The following SEL1L3 variants were observed in gnomAD, a reference collection of about 807,000 sequenced individuals.
SEL1L3 encodes protein sel-1 homolog 3.
In SEL1L3, 76 loss-of-function variants were observed where a neutral mutation model predicts 142.8. The ratio of observed to expected loss-of-function variants is 0.53; its 90% CI spans 0.44 to 0.64. SEL1L3 has a LOEUF of 0.64. SEL1L3 is among the 30% of genes least tolerant of loss of function. SEL1L3 has a pLI of 0.00. For synonymous variants in SEL1L3, 504 were observed against 519.6 expected (o/e 0.97, Z 0.41); for missense variants, 1,262 against 1,381.7 (o/e 0.91, Z 1.37).
Position 25,862,765 on chromosome 4 carries a change from G to T in SEL1L3, c.72C>A (p.Gly24=), listed in dbSNP as rs1300698132. The T allele has an allele frequency of 6.6e-6, 8 of 1,206,318 alleles. No homozygotes were observed. The highest frequency in any genetic ancestry group is 1.6e-5 in the African/African-American group (1 of 62,956). 74.7% of individuals were successfully genotyped at this position (1,206,318 alleles called of 1,614,324 possible). ...TCGGGACCATGGCTGCGGCCCGGGG[G>T]CCGACCGCGAGCGGCGGGGGTTGCT... ...QQQQPPPLAV[G]PRAAAMVPSG... is the part of the protein sequence containing the mutation. The change falls in exon 1 of 24, where the codon GGC becomes GGA. Residue 24 remains glycine, a synonymous_variant. Coordinates refer to ENST00000399878, the MANE Select transcript of SEL1L3 (RefSeq NM_015187.5).
In SEL1L3 at chr4:25,813,585, G is replaced by T. The variant is rs781575397; in HGVS notation, c.1564+4553C>A. ...TGGGGGCAATGGGGAGACGTTTACT[G>T]AGTATGGATTTTCAGTTTTGCAAGA... On this transcript the variant is annotated intron_variant, in intron 9 of 23. Coordinates refer to ENST00000399878, the MANE Select transcript of SEL1L3 (RefSeq NM_015187.5). Among the ~76,000 whole-genome samples, 41 of 152,210 alleles carry T rather than the reference G, an allele frequency of 2.7e-4. 1 individual carries two copies. Among genetic ancestry groups the T allele is most frequent in the Non-Finnish European group, 5.3e-4 (36 of 68,040 alleles).
At chr4:25,781,563 T>G (rs779459872) in intron 15 of SEL1L3, among the ~76,000 whole-genome samples, 3 of 152,276 alleles carry the variant, frequency 2.0e-5, no homozygotes, top group Non-Finnish European at 4.4e-5. Context: ...GTTTTTATTT[T>G]TAACGATTTT....
chr4:25,849,540 A>G (rs58551897), intron 1 of SEL1L3, among the ~76,000 whole-genome samples: 39,668 of 152,050 alleles, frequency 0.26, 5,365 homozygotes, highest in South Asian at 0.28. Context: ...GAGGGGATTG[A>G]GGAGTTAGGA....
intron 1 of SEL1L3, among the ~76,000 whole-genome samples, chr4:25,853,279 T>C (rs1472128974): frequency 6.6e-6 from 1 of 152,166 alleles, no homozygotes; most frequent in Non-Finnish European, 1.5e-5. Flanking sequence ...CATATACACA[T>C]TTCACCGTGT....
intron 7 of SEL1L3, among the ~76,000 whole-genome samples, chr4:25,820,160 A>T (rs1300251735): frequency 6.6e-6 from 1 of 152,190 alleles, no homozygotes; most frequent in Non-Finnish European, 1.5e-5. Flanking sequence ...CTTTGTGTCC[A>T]GCTTCTTAAA....
intron 9 of SEL1L3, among the ~76,000 whole-genome samples, chr4:25,805,338 C>A (rs932054262): frequency 6.6e-6 from 1 of 152,068 alleles, no homozygotes; most frequent in Non-Finnish European, 1.5e-5. Flanking sequence ...TTTATAAGGT[C>A]GGTACTATTT....
At chr4:25,850,730 A>AGT (rs1478158074) in intron 1 of SEL1L3, among the ~76,000 whole-genome samples, 13 of 152,252 alleles carry the variant, frequency 8.5e-5, no homozygotes, top group African/African-American at 2.4e-4. Flanking sequence ...CCACTCATGG[A>AGT]GTACCATACA....
the SEL1L3 span, chr4:25,718,411 C>T: frequency 3.9e-5 from 6 of 152,076 alleles, no homozygotes; most frequent in Admixed American, 1.3e-4. Context: ...TTGAAGCCCT[C>T]GGGTAAGTAA....
At chr4:25,741,666 G>A in the SEL1L3 span, among the ~76,000 whole-genome samples, 1 of 152,108 alleles carries the variant, frequency 6.6e-6, no homozygotes, top group Admixed American at 6.6e-5. Flanking sequence ...ACACCTAAAT[G>A]CACCAACTTT....
At chr4:25,833,931 T>A (rs1028628208) in intron 3 of SEL1L3, among the ~76,000 whole-genome samples, 1 of 152,232 alleles carries the variant, frequency 6.6e-6, no homozygotes, top group East Asian at 1.9e-4. Context: ...AGAGGTGATA[T>A]GATAAGAAGC....
At chr4:25,812,840 C>T (rs1001718230) in intron 9 of SEL1L3, among the ~76,000 whole-genome samples, 1 of 152,002 alleles carries the variant, frequency 6.6e-6, no homozygotes, top group Non-Finnish European at 1.5e-5. Context: ...TGGCAAAACC[C>T]CATCTCTACT....
chr4:25,821,297 G>A (rs1051492611), intron 7 of SEL1L3, among the ~76,000 whole-genome samples: 2 of 152,274 alleles, frequency 1.3e-5, no homozygotes, highest in African/African-American at 2.4e-5. Context: ...AACCCCACAG[G>A]GTGAAGGGAA....
intron 1 of SEL1L3, among the ~76,000 whole-genome samples, chr4:25,860,989 T>A (rs1262945095): frequency 6.6e-6 from 1 of 152,236 alleles, no homozygotes; most frequent in Non-Finnish European, 1.5e-5. Context: ...ACTTAGGCCC[T>A]TAGGCTTTGC....
chr4:25,794,775 T>TG (rs1712596117), intron 11 of SEL1L3, among the ~76,000 whole-genome samples: 1 of 152,148 alleles, frequency 6.6e-6, no homozygotes. Context: ...ATATGTTCAC[T>TG]GTAGCAATAG....
rs1016381254 is a variant in SEL1L3, at chr4:25,747,491, T to C, written c.*934A>G. The C allele has an allele frequency of 5.3e-5, 8 of 152,058 alleles. No individual in the cohort carries two copies. Among genetic ancestry groups the C allele is most frequent in the African/African-American group, 1.9e-4 (8 of 41,392 alleles). The allele number at this position is 152,058 out of a possible 1,614,324, so 9.4% of individuals were successfully genotyped here. A position where few individuals can be genotyped will look rare whatever the true frequency, so the allele number is the denominator to read the frequency against. ...TAAATAAAGTAGTGCAAAGAGTAGT[T>C]TGGACCCACAATATTGCATTACTGA... is the stretch of plus-strand genomic sequence containing the variant. On this transcript the variant is annotated 3_prime_UTR_variant, in exon 24 of 24. Coordinates refer to ENST00000399878, the MANE Select transcript of SEL1L3 (RefSeq NM_015187.5).
At chr4:25,738,597 T>C in the SEL1L3 span, among the ~76,000 whole-genome samples, 4 of 152,342 alleles carry the variant, frequency 2.6e-5, no homozygotes, top group East Asian at 1.9e-4. Context: ...AGGTTGTGGC[T>C]GACTGAATAC....
the SEL1L3 span, among the ~76,000 whole-genome samples, chr4:25,725,195 CA>C: frequency 2.0e-5 from 3 of 151,904 alleles, no homozygotes; most frequent in African/African-American, 7.2e-5. Context: ...GGATCTTGCG[CA>C]AAAAAGAATG....
intron 1 of SEL1L3, among the ~76,000 whole-genome samples, chr4:25,855,671 G>A (rs960072944): frequency 6.6e-6 from 1 of 152,120 alleles, no homozygotes; most frequent in Non-Finnish European, 1.5e-5. Context: ...TAAAGCAGGA[G>A]AATCACTTGA....
intron 15 of SEL1L3, among the ~76,000 whole-genome samples, chr4:25,780,096 C>T (rs1202952564): frequency 6.6e-6 from 1 of 152,168 alleles, no homozygotes; most frequent in Non-Finnish European, 1.5e-5. Flanking sequence ...CCAATAAATG[C>T]CACTTCCATT....
Sources: allele counts gnomAD v4.1 joint callset (sites outside exome capture counted in the v4.1 genomes callset), GRCh38; gene constraint gnomAD v4.1.1; transcripts MANE v1.5; gene names NCBI Gene and HGNC (gene_info 2026-07-23, HGNC 2026-07-21).